SPTBN1: variants seen among roughly 807,000 people sequenced by gnomAD.
The protein encoded by SPTBN1 is spectrin beta, non-erythrocytic 1.
Under a neutral mutation model 266.4 loss-of-function variants are expected in SPTBN1, and 32 were observed. The ratio of observed to expected loss-of-function variants is 0.12; its 90% CI spans 0.09 to 0.16. The LOEUF (loss-of-function observed/expected upper bound fraction) is 0.16, where lower values mean the gene tolerates loss of function less well. Among genes scored for constraint, SPTBN1 ranks in the 10% least tolerant of loss-of-function variants. The pLI, the probability that SPTBN1 is intolerant of heterozygous loss-of-function variation, is 1.00. For missense variants in SPTBN1, 2,296 were observed against 3,067.1 expected (o/e 0.75, Z 5.94); for synonymous variants, 1,336 against 1,162.2 (o/e 1.15, Z -3.04).
chr2:54,469,136 G>A (rs1693786491), intron 1 of SPTBN1, among the ~76,000 whole-genome samples: 1 of 152,206 alleles, frequency 6.6e-6, no homozygotes, highest in Non-Finnish European at 1.5e-5. Context: ...GACATCAGAT[G>A]GATGGAGGTG....
At chr2:54,654,956 C>CAA in intron 27 of SPTBN1, 114 bp from the exon 28 acceptor site, 1 of 610,940 alleles carries the variant, frequency 1.6e-6, no homozygotes, top group Non-Finnish European at 2.3e-6. Context: ...CCTGAAAGAC[C>CAA]ATCAGTTTCT....
At chr2:54,552,530 C>T (rs1297240577) in intron 2 of SPTBN1, among the ~76,000 whole-genome samples, 4 of 146,702 alleles carry the variant, frequency 2.7e-5, no homozygotes, top group Non-Finnish European at 4.5e-5. Flanking sequence ...GATCTCAGCT[C>T]ACTGCAACCT....
intron 1 of SPTBN1, among the ~76,000 whole-genome samples, chr2:54,457,951 A>T (rs1021865815): frequency 6.6e-6 from 1 of 152,234 alleles, no homozygotes; most frequent in African/African-American, 2.4e-5. Flanking sequence ...ATCTGCGACC[A>T]GGGGACCTGA....
chr2:54,557,731 A>G (rs1215643298), intron 2 of SPTBN1: 4 of 985,318 alleles, frequency 4.1e-6, no homozygotes, highest in Non-Finnish European at 4.8e-6. Context: ...CTTGCGTCGA[A>G]TTCCTATCAT....
At chr2:54,458,630 CAGA>C (rs1467546012) in intron 1 of SPTBN1, among the ~76,000 whole-genome samples, 7 of 152,172 alleles carry the variant, frequency 4.6e-5, no homozygotes, top group Admixed American at 3.3e-4. Context: ...GGCATCTAGT[CAGA>C]AGGAGATGGT....
chr2:54,618,042 A>G (rs778791201), intron 6 of SPTBN1, 36 bp from the exon 7 acceptor site: 6 of 1,524,956 alleles, frequency 3.9e-6, no homozygotes, highest in Middle Eastern at 1.7e-4. Context: ...TTTTCAAGCC[A>G]TGATTTTTGT....
intron 2 of SPTBN1, among the ~76,000 whole-genome samples, chr2:54,562,696 TTGTGTGTGTGTGTGTG>T (rs55947327): frequency 5.7e-5 from 7 of 122,624 alleles, no homozygotes; most frequent in South Asian, 5.6e-4. Context: ...AAACCCTGCT[TTGTGTGTGTGTGTGTG>T]TGTGTGTGTG....
At chr2:54,604,535 C>CTT (rs1676708744) in intron 3 of SPTBN1, among the ~76,000 whole-genome samples, 1 of 152,140 alleles carries the variant, frequency 6.6e-6, no homozygotes, top group South Asian at 2.1e-4. Flanking sequence ...CCCCTCCTTC[C>CTT]TCTCTAAGGG....
intron 2 of SPTBN1, among the ~76,000 whole-genome samples, chr2:54,579,795 C>T (rs945801804): frequency 1.1e-4 from 17 of 152,218 alleles, no homozygotes; most frequent in Admixed American, 1.1e-3. Context: ...TATTGTTTGT[C>T]AGGCTTTGCC....
rs5831316 is a variant in SPTBN1 at position 54,668,788 on chromosome 2, AT to A, written c.*229del. On this transcript the variant is annotated 3_prime_UTR_variant, in exon 36 of 36. Coordinates refer to ENST00000356805, the MANE Select transcript of SPTBN1 (RefSeq NM_003128.3). ...GTTTGAGGTGCAGAGGGAAGGCCAGATTTTTTTTTTAATGAAATTATATAGA... is the reference window on the plus strand; with the variant it reads ...GTTTGAGGTGCAGAGGGAAGGCCAGATTTTTTTTTAATGAAATTATATAGA... 72,135 of 430,514 alleles carry A rather than the reference AT, an allele frequency of 0.17. 6,481 individuals are homozygous for A. Among genetic ancestry groups the A allele is most frequent in the African/African-American group, 0.25 (11,845 of 48,204 alleles). 26.7% of individuals were successfully genotyped at this position (430,514 alleles called of 1,614,324 possible).
intron 2 of SPTBN1, among the ~76,000 whole-genome samples, chr2:54,538,208 G>A (rs1163319876): frequency 2.0e-5 from 3 of 152,132 alleles, no homozygotes; most frequent in African/African-American, 4.8e-5. Context: ...AAACATTAGC[G>A]TTTCAGTCTT....
intron 1 of SPTBN1, among the ~76,000 whole-genome samples, chr2:54,498,014 A>G (rs72915032): frequency 0.094 from 14,366 of 152,248 alleles, 1,481 homozygotes; most frequent in African/African-American, 0.25. Flanking sequence ...AAGTCCATCA[A>G]GAATCAAGTT....
intron 2 of SPTBN1, among the ~76,000 whole-genome samples, chr2:54,560,401 A>C (rs1380001914): frequency 1.3e-5 from 2 of 152,120 alleles, no homozygotes; most frequent in Admixed American, 6.5e-5. Context: ...AGAAAATAGA[A>C]GGTGTGAGGG....
At chr2:54,475,770 C>G (rs1667794968) in intron 1 of SPTBN1, among the ~76,000 whole-genome samples, 1 of 152,164 alleles carries the variant, frequency 6.6e-6, no homozygotes, top group South Asian at 2.1e-4. Context: ...AGGCACATGA[C>G]TGTTATTAAC....
At position 54,653,894 on chromosome 2, in the gene SPTBN1, T is replaced by C. The variant is rs771560538; in HGVS notation, c.5822+41T>C. On this transcript the variant is annotated intron_variant, in intron 27 of 35. Coordinates refer to ENST00000356805, the MANE Select transcript of SPTBN1 (RefSeq NM_003128.3). The surrounding 1 kb of genome is among the most constrained non-coding windows in gnomAD (Gnocchi z 5.1). ...CAAAGGAAATTGGACTTATTGGCGC[T>C]TGGTTAAAACACAGGAGTCTTCCAG... The C allele has an allele frequency of 6.3e-7, 1 of 1,594,656 alleles. No homozygotes were observed. The highest frequency in any genetic ancestry group is 8.5e-7 in the Non-Finnish European group (1 of 1,175,296).
At chr2:54,595,703 C>T (rs1052100618) in intron 2 of SPTBN1, among the ~76,000 whole-genome samples, 1 of 152,196 alleles carries the variant, frequency 6.6e-6, no homozygotes, top group East Asian at 1.9e-4. Context: ...TAGCAACCCA[C>T]CTTGGAGGGG....
At chr2:54,563,760 C>T (rs1023358117) in intron 2 of SPTBN1, among the ~76,000 whole-genome samples, 1 of 151,728 alleles carries the variant, frequency 6.6e-6, no homozygotes, top group Non-Finnish European at 1.5e-5. Context: ...CCTGCCACCA[C>T]GCCCGGCTAA....
At position 54,595,632 on chromosome 2, in the gene SPTBN1, G is replaced by A. The variant is rs1266575248; in HGVS notation, c.149-3460G>A. On this transcript the variant is annotated intron_variant, in intron 2 of 35. Coordinates refer to ENST00000356805, the MANE Select transcript of SPTBN1 (RefSeq NM_003128.3). Reference sequence around the variant, plus strand: ...CTTGGTGGCGTGAGTGGGCCTGAAGGCCGGCCATTTCTGCTGCCTTCGAGC... The same window carrying A: ...CTTGGTGGCGTGAGTGGGCCTGAAGACCGGCCATTTCTGCTGCCTTCGAGC... Among the ~76,000 whole-genome samples, 3 of 152,368 alleles carry A rather than the reference G, an allele frequency of 2.0e-5. No homozygotes were observed. In the East Asian group the frequency reaches 5.8e-4, roughly 29 times the overall value.
intron 2 of SPTBN1, among the ~76,000 whole-genome samples, chr2:54,594,108 T>C (rs1207305072): frequency 6.6e-6 from 1 of 152,122 alleles, no homozygotes; most frequent in Non-Finnish European, 1.5e-5. Flanking sequence ...GGATTATAGG[T>C]GTGAGCCACT....
Sources: gnomAD v4.1 joint callset for allele counts (sites outside exome capture counted in the v4.1 genomes callset) on GRCh38, gnomAD v4.1.1 for gene constraint, Gnocchi (gnomAD v3.1) non-coding constraint, MANE v1.5 for transcripts, NCBI Gene and HGNC (gene_info 2026-07-23, HGNC 2026-07-21) for gene names.